The following NRG1 variants were observed in gnomAD, a reference collection of about 807,000 sequenced individuals.
NRG1 encodes neuregulin 1.
A neutral mutation model predicts 63.8 loss-of-function variants in NRG1; 18 were observed. The ratio of observed to expected loss-of-function variants is 0.28; its 90% confidence interval spans 0.19 to 0.42. The LOEUF is 0.42. Among genes scored for constraint, NRG1 ranks in the 10% least tolerant of loss-of-function variants. The pLI, the probability that NRG1 is intolerant of heterozygous loss-of-function variation, is 1.00. For missense variants in NRG1, 762 were observed against 814.7 expected, an observed-to-expected ratio of 0.94 and a Z score of 0.79; for synonymous variants, 302 against 301.3, an observed-to-expected ratio of 1.00 and a Z score of -0.02.
At chr8:32,409,501 G>A (rs1179025507) in intron 1 of NRG1, among the ~76,000 whole-genome samples, 2 of 152,148 alleles carry the variant, frequency 1.3e-5, no homozygotes, top group Non-Finnish European at 2.9e-5. Context: ...TACTTGCAAA[G>A]TACACATCCA....
chr8:32,583,283 G>A (rs1841018503), intron 1 of NRG1, among the ~76,000 whole-genome samples: 1 of 151,992 alleles, frequency 6.6e-6, no homozygotes, highest in African/African-American at 2.4e-5. Flanking sequence ...AATAGGTGTG[G>A]CAGGTGCTAT....
chr8:32,607,591 T>C (rs1246091091), intron 3 of NRG1, among the ~76,000 whole-genome samples: 1 of 152,150 alleles, frequency 6.6e-6, no homozygotes, highest in Non-Finnish European at 1.5e-5. Context: ...TTTTTATTAA[T>C]TTGGGGGTAC....
At chr8:31,948,028 T>C (rs895173460) in intron 1 of NRG1, among the ~76,000 whole-genome samples, 25 of 150,842 alleles carry the variant, frequency 1.7e-4, no homozygotes, top group Admixed American at 7.3e-4. Context: ...TAAATTACTA[T>C]ATATATTTAT....
chr8:32,276,147 T>A (rs562830868), intron 1 of NRG1, among the ~76,000 whole-genome samples: 1 of 152,290 alleles, frequency 6.6e-6, no homozygotes, highest in East Asian at 1.9e-4. Context: ...TCATTCACCC[T>A]ATCTAGCTGT....
chr8:32,382,477 A>G (rs1328775076), intron 1 of NRG1, among the ~76,000 whole-genome samples: 2 of 152,200 alleles, frequency 1.3e-5, no homozygotes, highest in Non-Finnish European at 2.9e-5. Context: ...TAACTGGGAT[A>G]TCATACCAGG....
At chr8:32,627,566 C>A (rs542883623) in intron 5 of NRG1, among the ~76,000 whole-genome samples, 3 of 152,240 alleles carry the variant, frequency 2.0e-5, no homozygotes, top group Non-Finnish European at 2.9e-5. Context: ...CACCTCAGCC[C>A]CAAAGTGCTG....
intron 1 of NRG1, among the ~76,000 whole-genome samples, chr8:32,536,580 T>C (rs1767224236): frequency 6.6e-6 from 1 of 152,116 alleles, no homozygotes; most frequent in Admixed American, 6.6e-5. Flanking sequence ...GAGGGGATCA[T>C]ACAGCATGTG....
chr8:32,272,554 T>C (rs917737906), intron 1 of NRG1, among the ~76,000 whole-genome samples: 2 of 152,092 alleles, frequency 1.3e-5, no homozygotes, highest in African/African-American at 4.8e-5. Flanking sequence ...TGCAAAGACA[T>C]GTACATTTCC....
chr8:32,131,332 C>G (rs1834794865), intron 1 of NRG1, among the ~76,000 whole-genome samples: 1 of 151,954 alleles, frequency 6.6e-6, no homozygotes, highest in Admixed American at 6.6e-5. Context: ...ATGAAGTAGA[C>G]TGTAGTTTTG....
intron 1 of NRG1, among the ~76,000 whole-genome samples, chr8:32,080,491 A>G (rs2126611): frequency 0.97 from 147,966 of 152,258 alleles, 72,044 homozygotes; most frequent in East Asian, 1. Flanking sequence ...AGCTTTATAG[A>G]AACAGTGATA....
chr8:31,953,138 A>C (rs1463293352), intron 1 of NRG1, among the ~76,000 whole-genome samples: 2 of 152,192 alleles, frequency 1.3e-5, no homozygotes, highest in Non-Finnish European at 2.9e-5. Context: ...AATAGGAAAC[A>C]CAGCATACAA....
intron 1 of NRG1, among the ~76,000 whole-genome samples, chr8:32,075,336 G>C (rs561175037): frequency 6.6e-6 from 1 of 152,202 alleles, no homozygotes; most frequent in South Asian, 2.1e-4. Flanking sequence ...GTCAGGAAAA[G>C]GGGTACATTG....
At chr8:32,212,969 C>A (rs1340968322) in intron 1 of NRG1, among the ~76,000 whole-genome samples, 1 of 152,174 alleles carries the variant, frequency 6.6e-6, no homozygotes, top group Non-Finnish European at 1.5e-5. Context: ...GAGTTATTAT[C>A]TGTTCTTGGG....
At chr8:32,645,021 A>G (rs1457331159) in intron 5 of NRG1, among the ~76,000 whole-genome samples, 2 of 152,132 alleles carry the variant, frequency 1.3e-5, no homozygotes, top group African/African-American at 4.8e-5. Context: ...TGAGTATAAT[A>G]GTTTTGGTTT....
At chr8:32,014,065 A>C (rs1382544866) in intron 1 of NRG1, among the ~76,000 whole-genome samples, 1 of 152,166 alleles carries the variant, frequency 6.6e-6, no homozygotes, top group African/African-American at 2.4e-5. Context: ...TGAAATTTAA[A>C]GTAGTTTTTT....
intron 1 of NRG1, among the ~76,000 whole-genome samples, chr8:32,078,920 T>G (rs1827014909): frequency 6.6e-6 from 1 of 152,124 alleles, no homozygotes; most frequent in Non-Finnish European, 1.5e-5. Context: ...GTCAGCAGGG[T>G]TGAAATAAGA....
At chr8:32,737,700 G>A (rs1300894845) in intron 6 of NRG1, among the ~76,000 whole-genome samples, 4 of 117,698 alleles carry the variant, frequency 3.4e-5, no homozygotes, top group African/African-American at 1.0e-4. Context: ...TTTTTGAGAT[G>A]GAGTCTCGTT....
At chr8:31,647,345 T>A (rs1255250477) in intron 1 of NRG1, among the ~76,000 whole-genome samples, 2 of 152,194 alleles carry the variant, frequency 1.3e-5, no homozygotes, top group African/African-American at 4.8e-5. Flanking sequence ...TACCTGCAGG[T>A]GGGGTGGCAT....
intron 1 of NRG1, among the ~76,000 whole-genome samples, chr8:32,385,504 G>A (rs1810898893): frequency 6.6e-6 from 1 of 152,176 alleles, no homozygotes; most frequent in South Asian, 2.1e-4. Flanking sequence ...AGGAAGTACA[G>A]TGGCGTCTGC....
Sources: allele counts gnomAD v4.1 joint callset (sites outside exome capture counted in the v4.1 genomes callset), GRCh38; gene constraint gnomAD v4.1.1; transcripts MANE v1.5; gene names NCBI Gene and HGNC (gene_info 2026-07-23, HGNC 2026-07-21).